The following GRAMD4 variants were observed in gnomAD, a reference collection of about 807,000 sequenced individuals.
The protein encoded by GRAMD4 is GRAM domain containing 4, also known as GRAM domain-containing protein 4.
Under a neutral mutation model 83.9 loss-of-function variants are expected in GRAMD4, and 25 were observed. The ratio of observed to expected loss-of-function variants is 0.30; its 90% CI spans 0.22 to 0.42. The LOEUF is 0.42. GRAMD4 is among the 10% of genes least tolerant of loss of function. The probability of loss-of-function intolerance (pLI) is 1.00; values close to 1 mark genes in which losing one functional copy is unlikely to be tolerated. For missense variants in GRAMD4, 593 were observed against 788.7 expected, an observed-to-expected ratio of 0.75 and a Z score of 2.97; for synonymous variants, 336 against 320.9, an observed-to-expected ratio of 1.05 and a Z score of -0.50.
chr22:46,646,458 G>A (rs1465326974), intron 3 of GRAMD4, among the ~76,000 whole-genome samples: 1 of 152,216 alleles, frequency 6.6e-6, no homozygotes, highest in African/African-American at 2.4e-5. Context: ...CAGTTTTAAT[G>A]GAGGGGTCCT....
At chr22:46,650,264 C>T (rs544569365) in intron 3 of GRAMD4, among the ~76,000 whole-genome samples, 4 of 152,238 alleles carry the variant, frequency 2.6e-5, no homozygotes, top group East Asian at 1.9e-4. Flanking sequence ...TAAAAATAGC[C>T]GCAGAACTGC....
intron 3 of GRAMD4, among the ~76,000 whole-genome samples, chr22:46,648,650 C>T (rs901476407): frequency 5.4e-5 from 8 of 148,376 alleles, no homozygotes; most frequent in South Asian, 2.1e-4. Context: ...AGAAGGCAAA[C>T]GAATGGGTAG....
At chr22:46,606,777 G>T (rs1283617652) in intron 1 of GRAMD4, among the ~76,000 whole-genome samples, 2 of 152,280 alleles carry the variant, frequency 1.3e-5, no homozygotes, top group Admixed American at 1.3e-4. Context: ...GATTGGACGG[G>T]CACTCGGGTT....
chr22:46,633,950 T>C (rs1170446519), intron 2 of GRAMD4, among the ~76,000 whole-genome samples: 1 of 152,208 alleles, frequency 6.6e-6, no homozygotes, highest in Non-Finnish European at 1.5e-5. Flanking sequence ...CAGGCCTCCA[T>C]CATCCTACGT....
chr22:46,657,849 C>T (rs929865249), intron 3 of GRAMD4, among the ~76,000 whole-genome samples: 3 of 152,210 alleles, frequency 2.0e-5, no homozygotes, highest in African/African-American at 7.2e-5. Context: ...CAGGTGTCCT[C>T]AGCGTGGCGG....
chr22:46,577,169 C>T (rs2081049808), exon 1 of GRAMD4: 7 of 487,422 alleles, frequency 1.4e-5, no homozygotes, highest in Admixed American at 6.7e-5. Context: ...GCGGGGCCGC[C>T]TCCTCCCGGC....
At chr22:46,587,973 G>C (rs2081167746) in intron 1 of GRAMD4, 1 of 983,954 alleles carries the variant, frequency 1.0e-6, no homozygotes, top group Non-Finnish European at 1.2e-6. Context: ...GGTCCAGGGG[G>C]CCAGGGCCTG....
At chr22:46,578,995 C>T (rs1438454422) in intron 1 of GRAMD4, among the ~76,000 whole-genome samples, 3 of 152,260 alleles carry the variant, frequency 2.0e-5, no homozygotes, top group African/African-American at 4.8e-5. Flanking sequence ...TGCTCTGCTG[C>T]TCTTTCCTCT....
chr22:46,585,018 C>T (rs1453843523), intron 1 of GRAMD4, among the ~76,000 whole-genome samples: 1 of 152,168 alleles, frequency 6.6e-6, no homozygotes, highest in African/African-American at 2.4e-5. Context: ...ATCTACAGAG[C>T]CGCATCTGCT....
chr22:46,608,834 T>C (rs138529), intron 1 of GRAMD4, among the ~76,000 whole-genome samples: 132,667 of 152,204 alleles, frequency 0.87, 57,941 homozygotes, highest in East Asian at 1. Flanking sequence ...CATAGTGAAA[T>C]CCCATCTCTA....
intron 1 of GRAMD4, among the ~76,000 whole-genome samples, chr22:46,597,955 C>A (rs1485922646): frequency 2.0e-5 from 3 of 151,770 alleles, no homozygotes; most frequent in Non-Finnish European, 4.4e-5. Flanking sequence ...TTTTTTTAGT[C>A]CATTAGGTTT....
chr22:46,628,925 G>T (rs533990418), intron 2 of GRAMD4, among the ~76,000 whole-genome samples: 3 of 152,050 alleles, frequency 2.0e-5, no homozygotes, highest in Admixed American at 2.0e-4. Flanking sequence ...GCAGGCCGTG[G>T]TCTGGACCAG....
intron 2 of GRAMD4, among the ~76,000 whole-genome samples, chr22:46,633,556 GGGGCTCT>G (rs1342796072): frequency 1.3e-5 from 2 of 152,324 alleles, no homozygotes; most frequent in African/African-American, 4.8e-5. Context: ...CCAGCAACTG[GGGGCTCT>G]GGCCGGCCCT....
rs2081914112 is a variant in GRAMD4 at position 46,637,861 on chromosome 22, A to G, written c.184A>G (p.Met62Val). ...CTAGGCTGGTCCAGGGACCCTCATC[A>G]TGGCCACAGGAGTCCAGGACTTTAA... is the stretch of plus-strand genomic sequence containing the variant. ...RDPAGPGTLI[M>V]ATGVQDFNRT... Residue 62 changes from methionine to valine, a missense_variant, in exon 3 of 19, where the codon ATG (methionine) becomes GTG (valine). By Grantham distance (21) the Met-to-Val change is conservative. Around this residue, in one of 4 missense-constraint regions of GRAMD4, gnomAD observed 312 missense variants for 350.7 expected, o/e 0.89. Transcript: ENST00000406902. The G allele has an allele frequency of 6.2e-7, 1 of 1,614,092 alleles. No homozygotes were observed. Among genetic ancestry groups the G allele is most frequent in the Non-Finnish European group, 8.5e-7 (1 of 1,179,940 alleles).
At chr22:46,617,776 C>G (rs1231026538), upstream of GRAMD4, among the ~76,000 whole-genome samples, 5 of 152,162 alleles carry the variant, frequency 3.3e-5, no homozygotes, top group African/African-American at 1.2e-4. Flanking sequence ...CTCCCTGGCC[C>G]CCCTGGGTGG....
intron 17 of GRAMD4, among the ~76,000 whole-genome samples, chr22:46,675,949 C>T (rs1393460097): frequency 1.3e-5 from 2 of 152,222 alleles, no homozygotes; most frequent in Admixed American, 1.3e-4. Context: ...GGCATTTTCT[C>T]AGCATTTTAC....
At chr22:46,655,650 C>T (rs912328442) in intron 3 of GRAMD4, among the ~76,000 whole-genome samples, 2 of 152,196 alleles carry the variant, frequency 1.3e-5, no homozygotes, top group Non-Finnish European at 2.9e-5. Flanking sequence ...GACGTGTCCC[C>T]CACAGCCCTG....
At position 46,628,526 on chromosome 22, in the gene GRAMD4, G is replaced by GT. The variant is rs58292684; in HGVS notation, c.162+1566dup. On this transcript the variant is annotated intron_variant, in intron 2 of 18. Coordinates refer to ENST00000406902, the MANE Select transcript of GRAMD4 (RefSeq NM_015124.5). ...AGGGGCGGGTGGACTGAGTGTGTGC[G>GT]TGGTGTCTGAGGGGCAGGTGGACTG... is the stretch of plus-strand genomic sequence containing the variant. Among the ~76,000 whole-genome samples the GT allele has an allele frequency of 0.016, 710 of 44,018 alleles. 229 individuals are homozygous for GT. The East Asian group carries it at 0.39, about 24-fold the overall frequency. The allele number at this position is 44,018 out of a possible 152,430, so 28.9% of individuals were successfully genotyped here.
At chr22:46,579,068 C>T (rs544598043) in intron 1 of GRAMD4, among the ~76,000 whole-genome samples, 3 of 152,300 alleles carry the variant, frequency 2.0e-5, no homozygotes, top group Admixed American at 6.5e-5. Context: ...TGGGGGCAGG[C>T]GGGGCCTGTC....
Sources: allele counts gnomAD v4.1 joint callset (sites outside exome capture counted in the v4.1 genomes callset), GRCh38; gene constraint gnomAD v4.1.1; regional missense constraint gnomAD v4.1.1; transcripts MANE v1.5; gene names NCBI Gene and HGNC (gene_info 2026-07-23, HGNC 2026-07-21).